CNTNAP2: variants seen among roughly 807,000 people sequenced by gnomAD.
CNTNAP2 encodes the protein contactin-associated protein-like 2.
A neutral mutation model predicts 155.2 loss-of-function variants in CNTNAP2; 98 were observed. That is an observed-to-expected ratio of 0.63 (90% CI 0.54 to 0.75). The LOEUF (loss-of-function observed/expected upper bound fraction) is 0.75. Among genes scored for constraint, CNTNAP2 ranks in the 30% least tolerant of loss-of-function variants. The pLI is 0.00. For synonymous variants in CNTNAP2, 651 were observed against 631.2 expected, an observed-to-expected ratio of 1.03 and a Z score of -0.47; for missense variants, 1,727 against 1,688.1, an observed-to-expected ratio of 1.02 and a Z score of -0.40.
At chr7:146,900,472 C>A (rs139711230) in intron 3 of CNTNAP2, among the ~76,000 whole-genome samples, 1 of 152,262 alleles carries the variant, frequency 6.6e-6, no homozygotes, top group East Asian at 1.9e-4. Flanking sequence ...TCACCCCATC[C>A]CCAACTGTTC....
chr7:146,326,428 GC>G lies in CNTNAP2; in HGVS notation c.97+209456del, dbSNP rs543060598. Among the ~76,000 whole-genome samples, 700 of 152,262 alleles carry G rather than the reference GC, an allele frequency of 4.6e-3. 6 individuals are homozygous for G. The highest frequency in any genetic ancestry group is 7.1e-3 in the Non-Finnish European group (480 of 68,020). On this transcript the variant is annotated intron_variant, in intron 1 of 23. Transcript: ENST00000361727. ...TCCTGAATCTTTATTCCATGTCAGA[GC>G]TTTGATGAATCAGTTACATGACAGT...
chr7:148,300,011 T>A (rs1797354595), intron 21 of CNTNAP2, among the ~76,000 whole-genome samples: 1 of 152,194 alleles, frequency 6.6e-6, no homozygotes, highest in African/African-American at 2.4e-5. Context: ...GAGGCCTCTG[T>A]CCTTGAATTC....
At chr7:146,345,333 C>T (rs968861199) in intron 1 of CNTNAP2, among the ~76,000 whole-genome samples, 2 of 152,080 alleles carry the variant, frequency 1.3e-5, no homozygotes, top group African/African-American at 4.8e-5. Flanking sequence ...AGGAAGAACC[C>T]AAACAAAGAG....
intron 1 of CNTNAP2, among the ~76,000 whole-genome samples, chr7:146,545,275 T>C (rs1798012564): frequency 6.6e-6 from 1 of 151,960 alleles, no homozygotes; most frequent in South Asian, 2.1e-4. Flanking sequence ...AGAATTGTAA[T>C]ATCAGCTACC....
At chr7:147,877,481 C>T (rs1373330099) in intron 13 of CNTNAP2, among the ~76,000 whole-genome samples, 1 of 152,140 alleles carries the variant, frequency 6.6e-6, no homozygotes, top group African/African-American at 2.4e-5. Context: ...ATATTTGAAA[C>T]CGAAGTAAAT....
intron 1 of CNTNAP2, among the ~76,000 whole-genome samples, chr7:146,710,936 T>C (rs1039990375): frequency 6.6e-6 from 1 of 152,058 alleles, no homozygotes; most frequent in Non-Finnish European, 1.5e-5. Context: ...TGCAAAGCAA[T>C]GCAGACAGAG....
chr7:147,489,404 T>G (rs1798566717), intron 11 of CNTNAP2, among the ~76,000 whole-genome samples: 2 of 152,188 alleles, frequency 1.3e-5, no homozygotes, highest in Admixed American at 1.3e-4. Context: ...GAGGCAAGTT[T>G]GTTACAAAAT....
At chr7:147,762,129 T>A (rs1221412849) in intron 13 of CNTNAP2, among the ~76,000 whole-genome samples, 2 of 136,700 alleles carry the variant, frequency 1.5e-5, no homozygotes, top group Non-Finnish European at 3.0e-5. Context: ...TTCTCTAATA[T>A]GTTTCTCTCT....
chr7:148,038,677 T>C (rs1322188026), intron 15 of CNTNAP2, among the ~76,000 whole-genome samples: 1 of 152,198 alleles, frequency 6.6e-6, no homozygotes, highest in Admixed American at 6.5e-5. Flanking sequence ...ATTGGATTTA[T>C]GTAAGAGCTT....
At position 147,772,489 on chromosome 7, in the gene CNTNAP2, C is replaced by CA. The variant is rs1243346516; in HGVS notation, c.2099-131075dup. On this transcript the variant is annotated intron_variant, in intron 13 of 23. Transcript: ENST00000361727. ...ATATATATATATATATATATACACA[C>CA]ACAAAAAAAAAACCACAAAAGAGGT... Among the ~76,000 whole-genome samples the CA allele has an allele frequency of 8.7e-4, 90 of 103,636 alleles. 1 individual carries two copies. The highest frequency in any genetic ancestry group is 3.1e-3 in the African/African-American group (78 of 25,276). 68.0% of individuals were successfully genotyped at this position (103,636 alleles called of 152,430 possible). A position where few individuals can be genotyped will look rare whatever the true frequency, so the allele number is the denominator to read the frequency against.
In CNTNAP2 at chr7:147,656,679, G is replaced by A. The variant is rs191418889; in HGVS notation, c.2098+17373G>A. On this transcript the variant is annotated intron_variant, in intron 13 of 23. Coordinates refer to ENST00000361727, the MANE Select transcript of CNTNAP2 (RefSeq NM_014141.6). ...TCACTGATCACAGATCACCATAACAGATGTAATAATAATGAAAAATTTTAA... is the reference window on the plus strand; with the variant it reads ...TCACTGATCACAGATCACCATAACAAATGTAATAATAATGAAAAATTTTAA... Among the ~76,000 whole-genome samples the A allele has an allele frequency of 3.9e-3, 599 of 152,162 alleles. 2 individuals are homozygous for A. The highest frequency in any genetic ancestry group is 0.024 in the Middle Eastern group (7 of 292).
At chr7:147,380,756 T>C (rs826815) in intron 9 of CNTNAP2, among the ~76,000 whole-genome samples, 56,412 of 151,884 alleles carry the variant, frequency 0.37, 11,184 homozygotes, top group East Asian at 0.68. Flanking sequence ...ATAGAAGCAT[T>C]CCAAAGCTAA....
At chr7:148,031,939 A>G (rs1269171250) in intron 15 of CNTNAP2, among the ~76,000 whole-genome samples, 1 of 152,168 alleles carries the variant, frequency 6.6e-6, no homozygotes, top group Non-Finnish European at 1.5e-5. Context: ...TTATCTACTT[A>G]GGGAAGATCA....
At chr7:146,589,974 C>T (rs77893132) in intron 1 of CNTNAP2, among the ~76,000 whole-genome samples, 3,561 of 152,188 alleles carry the variant, frequency 0.023, 49 homozygotes, top group Middle Eastern at 0.048. Context: ...AAGCCTGAGC[C>T]CCTTTCACTC....
At chr7:146,559,651 T>A (rs1392007099) in intron 1 of CNTNAP2, among the ~76,000 whole-genome samples, 2 of 152,246 alleles carry the variant, frequency 1.3e-5, no homozygotes, top group African/African-American at 4.8e-5. Context: ...CATTTATAAA[T>A]TATTGTGGAA....
chr7:147,485,814 A>G (rs1798499007), intron 10 of CNTNAP2, 121 bp from the exon 11 acceptor site: 2 of 877,238 alleles, frequency 2.3e-6, no homozygotes, highest in Non-Finnish European at 3.9e-6. Flanking sequence ...AACAAGGATT[A>G]ATTGCCTTGG....
chr7:146,304,380 T>C (rs182093654), intron 1 of CNTNAP2, among the ~76,000 whole-genome samples: 1 of 152,254 alleles, frequency 6.6e-6, no homozygotes, highest in East Asian at 1.9e-4. Context: ...GTCTTTACAA[T>C]TTGGCATGTC....
intron 15 of CNTNAP2, among the ~76,000 whole-genome samples, chr7:147,989,651 G>A (rs1801676840): frequency 6.6e-6 from 1 of 152,164 alleles, no homozygotes; most frequent in South Asian, 2.1e-4. Flanking sequence ...CAGCCATTTA[G>A]CTTCTCCTAA....
chr7:147,583,043 A>G (rs1800538262), intron 12 of CNTNAP2, among the ~76,000 whole-genome samples: 1 of 152,172 alleles, frequency 6.6e-6, no homozygotes, highest in Non-Finnish European at 1.5e-5. Flanking sequence ...TATTGATTAC[A>G]TTCATAATAT....
Sources: allele counts gnomAD v4.1 joint callset (sites outside exome capture counted in the v4.1 genomes callset), GRCh38; gene constraint gnomAD v4.1.1; transcripts MANE v1.5; gene names NCBI Gene and HGNC (gene_info 2026-07-23, HGNC 2026-07-21).